ADGRB3: variants seen among roughly 807,000 people sequenced by gnomAD.
ADGRB3 encodes the protein brain-specific angiogenesis inhibitor 3.
Under a neutral mutation model 193.4 loss-of-function variants are expected in ADGRB3, and 37 were observed. The observed-to-expected ratio is 0.19, with a 90% CI of 0.15 to 0.25. The LOEUF (loss-of-function observed/expected upper bound fraction) is 0.25. ADGRB3 is among the 10% of genes least tolerant of loss of function. The pLI is 1.00. For synonymous variants in ADGRB3, 690 were observed against 644.2 expected (o/e 1.07, Z -1.08); for missense variants, 1,637 against 1,852.9 (o/e 0.88, Z 2.14).
chr6:68,867,965 C>G (rs749166154), intron 3 of ADGRB3, among the ~76,000 whole-genome samples: 29 of 152,118 alleles, frequency 1.9e-4, no homozygotes, highest in Non-Finnish European at 4.1e-4. Flanking sequence ...AAGGACTTGC[C>G]TTGTCTCAGA....
At chr6:69,154,216 A>G (rs1476026560) in intron 17 of ADGRB3, among the ~76,000 whole-genome samples, 1 of 152,170 alleles carries the variant, frequency 6.6e-6, no homozygotes, top group African/African-American at 2.4e-5. Flanking sequence ...GAGGGATCGT[A>G]GTTCCCATGT....
chr6:69,265,115 G>C (rs1767011435), intron 20 of ADGRB3, among the ~76,000 whole-genome samples: 2 of 151,880 alleles, frequency 1.3e-5, no homozygotes, highest in South Asian at 2.1e-4. Flanking sequence ...AATCCTGGCT[G>C]CTCATCAGAA....
At chr6:69,330,367 T>C (rs1436265052) in intron 22 of ADGRB3, 139 bp from the exon 23 acceptor site, 4 of 483,812 alleles carry the variant, frequency 8.3e-6, no homozygotes, top group East Asian at 3.2e-5. Flanking sequence ...CTACATCTTC[T>C]ATGTATTTTT....
chr6:69,027,250 A>T (rs1263102430), intron 13 of ADGRB3, among the ~76,000 whole-genome samples: 1 of 151,816 alleles, frequency 6.6e-6, no homozygotes, highest in East Asian at 1.9e-4. Context: ...CAAGACATGA[A>T]TTCACACATT....
intron 3 of ADGRB3, among the ~76,000 whole-genome samples, chr6:68,899,755 A>C (rs1766341304): frequency 6.6e-6 from 1 of 152,038 alleles, no homozygotes; most frequent in Admixed American, 6.6e-5. Flanking sequence ...AAAACATTAA[A>C]TATTAATTAA....
At chr6:69,005,367 C>T (rs904649184) in intron 11 of ADGRB3, among the ~76,000 whole-genome samples, 3 of 151,258 alleles carry the variant, frequency 2.0e-5, no homozygotes, top group South Asian at 2.1e-4. Flanking sequence ...GTACTGAGAG[C>T]GTTGTATAAA....
At chr6:68,935,003 A>G (rs1482017109) in intron 4 of ADGRB3, among the ~76,000 whole-genome samples, 1 of 152,160 alleles carries the variant, frequency 6.6e-6, no homozygotes, top group African/African-American at 2.4e-5. Context: ...CCCAGTTACT[A>G]TTGTCTGTGC....
At chr6:68,822,784 A>G (rs1279902747) in intron 3 of ADGRB3, among the ~76,000 whole-genome samples, 1 of 152,020 alleles carries the variant, frequency 6.6e-6, no homozygotes. Context: ...TTTATGAGCC[A>G]CTTCATTTTA....
intron 13 of ADGRB3, among the ~76,000 whole-genome samples, chr6:69,032,025 T>C (rs2150294123): frequency 6.6e-6 from 1 of 152,240 alleles, no homozygotes; most frequent in Middle Eastern, 3.4e-3. Flanking sequence ...AAGTGTTGCG[T>C]AAAGGGGTTG....
At chr6:68,722,264 G>T (rs918417468) in intron 3 of ADGRB3, among the ~76,000 whole-genome samples, 3 of 151,718 alleles carry the variant, frequency 2.0e-5, no homozygotes, top group African/African-American at 7.3e-5. Flanking sequence ...TCATAAGTGG[G>T]AATTGAACAA....
At position 69,062,991 on chromosome 6, in the gene ADGRB3, A is replaced by G. The variant is rs770711081; in HGVS notation, c.2391A>G (p.Lys797=). The G allele has an allele frequency of 6.2e-6, 10 of 1,612,298 alleles. No homozygotes were observed. The highest frequency in any genetic ancestry group is 8.5e-6 in the Non-Finnish European group (10 of 1,178,918). The change falls in exon 16 of 32, where the codon AAA becomes AAG. Residue 797 remains lysine (K), a synonymous_variant. Coordinates refer to ENST00000370598, the MANE Select transcript of ADGRB3 (RefSeq NM_001704.3). ...IIVVTIRPEP[K]TTDSFLEIEL... ...TGGTCACAATAAGGCCTGAACCCAA[A>G]ACAACCGATTCGTTTCTGGAGATAG... is the stretch of plus-strand genomic sequence containing the variant.
intron 13 of ADGRB3, among the ~76,000 whole-genome samples, chr6:69,023,127 T>A (rs1042098573): frequency 2.6e-5 from 4 of 152,090 alleles, no homozygotes; most frequent in African/African-American, 9.6e-5. Flanking sequence ...TCCCATTGAC[T>A]ATGTTCAAGC....
At chr6:68,810,053 A>T (rs1210791113) in intron 3 of ADGRB3, among the ~76,000 whole-genome samples, 3 of 152,128 alleles carry the variant, frequency 2.0e-5, no homozygotes, top group Admixed American at 2.0e-4. Context: ...GTATCCAAAG[A>T]TGTTAATATT....
chr6:69,388,750 C>T lies in ADGRB3; in HGVS notation c.4428C>T (p.Pro1476=), dbSNP rs1236163267. 6 of 1,613,280 alleles carry T rather than the reference C, an allele frequency of 3.7e-6. No individual in the cohort carries two copies. Among genetic ancestry groups the T allele is most frequent in the Non-Finnish European group, 4.2e-6 (5 of 1,179,624 alleles). Residue 1476 remains proline (P), a synonymous_variant, in exon 32 of 32, where the codon CCC becomes CCT. Transcript: ENST00000370598. The part of the protein sequence containing the change: ...NKNPWDTFKN[P]SEYPHYTTIN... ...ATCCATGGGACACTTTCAAAAACCC[C>T]AGTGAATACCCGCATTACACCACAA...
intron 17 of ADGRB3, among the ~76,000 whole-genome samples, chr6:69,158,078 C>G (rs1774892659): frequency 6.6e-6 from 1 of 152,112 alleles, no homozygotes; most frequent in Non-Finnish European, 1.5e-5. Context: ...TGCCAGATCT[C>G]CTGCTTAATC....
At chr6:69,070,048 T>G (rs560022412) in intron 16 of ADGRB3, among the ~76,000 whole-genome samples, 1 of 152,296 alleles carries the variant, frequency 6.6e-6, no homozygotes, top group South Asian at 2.1e-4. Flanking sequence ...CACTGAACGA[T>G]GTGACAGAAA....
intron 31 of ADGRB3, among the ~76,000 whole-genome samples, chr6:69,387,004 C>CT (rs1009768601): frequency 5.3e-5 from 8 of 152,066 alleles, no homozygotes; most frequent in Non-Finnish European, 1.2e-4. Context: ...GGTTACCCCA[C>CT]TTTTTTATTT....
chr6:69,322,890 T>C (rs1768491136), intron 20 of ADGRB3, among the ~76,000 whole-genome samples: 1 of 151,948 alleles, frequency 6.6e-6, no homozygotes, highest in Non-Finnish European at 1.5e-5. Flanking sequence ...AGGCCTTATT[T>C]CTTTAGCTAC....
At chr6:68,825,648 A>T (rs759490468) in intron 3 of ADGRB3, among the ~76,000 whole-genome samples, 32 of 152,202 alleles carry the variant, frequency 2.1e-4, no homozygotes, top group Non-Finnish European at 4.0e-4. Context: ...GAGGTAGTTG[A>T]ATCATGGGGG....
Sources: allele counts gnomAD v4.1 joint callset (sites outside exome capture counted in the v4.1 genomes callset), GRCh38; gene constraint gnomAD v4.1.1; transcripts MANE v1.5; gene names NCBI Gene and HGNC (gene_info 2026-07-23, HGNC 2026-07-21).